The following FBN3 variants were observed in gnomAD, a reference collection of about 807,000 sequenced individuals.
The protein encoded by FBN3 is fibrillin-3.
Under a neutral mutation model 330.1 loss-of-function variants are expected in FBN3, and 234 were observed. The observed-to-expected ratio is 0.71, with a 90% confidence interval of 0.64 to 0.79. The LOEUF is 0.79. Among genes scored for constraint, FBN3 ranks in the 30% least tolerant of loss-of-function variants. The pLI is 0.00. For missense variants in FBN3, 3,606 were observed against 3,886.9 expected (o/e 0.93, Z 1.92); for synonymous variants, 1,458 against 1,517.3 (o/e 0.96, Z 0.91).
chr19:8,096,623 G>C lies in FBN3; in HGVS notation c.5414-54C>G. On this transcript the variant is annotated intron_variant, in intron 43 of 63. Coordinates refer to ENST00000600128, the MANE Select transcript of FBN3 (RefSeq NM_032447.5). This position sits in a 1 kb window ranked among gnomAD's most constrained non-coding sequence, Gnocchi z 4.6. ...AGGGCTCCTACCACAGTGTTTGCCTGAGCTCTCCCTACTGCAATGGGGAAG... is the reference window on the plus strand; with the variant it reads ...AGGGCTCCTACCACAGTGTTTGCCTCAGCTCTCCCTACTGCAATGGGGAAG... The C allele has an allele frequency of 2.6e-6, 4 of 1,555,184 alleles. No homozygotes were observed.
At chr19:8,074,758 G>A in intron 61 of FBN3, 1 of 308,098 alleles carries the variant, frequency 3.2e-6, no homozygotes, top group Non-Finnish European at 6.0e-6. Flanking sequence ...CACACTCGTG[G>A]CAGACATCAC....
At position 8,067,282 on chromosome 19, in the gene FBN3, T is replaced by C. The variant is rs557146982; in HGVS notation, c.8089-1022A>G. Among the ~76,000 whole-genome samples the C allele has an allele frequency of 1.4e-4, 21 of 152,148 alleles. No individual in the cohort carries two copies. The South Asian group carries it at 4.4e-3, about 32-fold the overall frequency. On this transcript the variant is annotated intron_variant, in intron 63 of 63. Transcript: ENST00000600128. Reference sequence around the variant, plus strand: ...CTGGAATTACAGGTGCCTGCCATCATGCCTGGCTAATTTTTGTATTTTCAG... The same window carrying C: ...CTGGAATTACAGGTGCCTGCCATCACGCCTGGCTAATTTTTGTATTTTCAG...
At chr19:8,139,996 C>A (rs1390939227) in intron 8 of FBN3, among the ~76,000 whole-genome samples, 1 of 151,966 alleles carries the variant, frequency 6.6e-6, no homozygotes, top group Non-Finnish European at 1.5e-5. Context: ...TCGTTCTCAG[C>A]CTTATCATAG....
chr19:8,069,144 G>C (rs1203118510), intron 63 of FBN3, among the ~76,000 whole-genome samples: 3 of 152,170 alleles, frequency 2.0e-5, no homozygotes, highest in African/African-American at 7.2e-5. Flanking sequence ...GGAGAGGAGA[G>C]CGTAAAGGAC....
At chr19:8,101,197 T>C (rs951987199) in intron 40 of FBN3, among the ~76,000 whole-genome samples, 1 of 152,120 alleles carries the variant, frequency 6.6e-6, no homozygotes, top group African/African-American at 2.4e-5. Flanking sequence ...CAATCACGGC[T>C]CACTGCAGCC....
Position 8,142,083 on chromosome 19 carries a change from T to C in FBN3, c.596A>G (p.Gln199Arg). The C allele has an allele frequency of 6.2e-7, 1 of 1,613,778 alleles. No individual in the cohort carries two copies. Among genetic ancestry groups the C allele is most frequent in the Non-Finnish European group, 8.5e-7 (1 of 1,179,822 alleles). The change falls in exon 7 of 64, where the codon CAG becomes CGG. Residue 199 changes from glutamine to arginine, a missense_variant. Physicochemically the swap from Gln to Arg is conservative, Grantham distance 43. Coordinates refer to ENST00000600128, the MANE Select transcript of FBN3 (RefSeq NM_032447.5). ...CTTGGTGCACACGAGGCCCGTCAGC[T>C]GATGCTGGCACCCCTCGGGGCCTAC... ...GQVGPEGCQH[Q>R]LTGLVCTKAL...
chr19:8,124,487 C>T (rs1454073810), intron 22 of FBN3, among the ~76,000 whole-genome samples: 3 of 151,574 alleles, frequency 2.0e-5, no homozygotes, highest in Non-Finnish European at 4.4e-5. Flanking sequence ...ATCTGCCCGC[C>T]TCAGCCTCCC....
At chr19:8,082,347 T>TTTC (rs2081813591) in intron 57 of FBN3, among the ~76,000 whole-genome samples, 1 of 148,026 alleles carries the variant, frequency 6.8e-6, no homozygotes, top group Admixed American at 6.8e-5. Context: ...CTCTTTCTTT[T>TTTC]TGTCTCTCTC....
At chr19:8,139,826 G>A (rs2083371737) in intron 8 of FBN3, among the ~76,000 whole-genome samples, 1 of 151,772 alleles carries the variant, frequency 6.6e-6, no homozygotes, top group Non-Finnish European at 1.5e-5. Context: ...TTGGCTGGTG[G>A]CCCACAGTTT....
chr19:8,103,085 G>T (rs938769179), intron 39 of FBN3, among the ~76,000 whole-genome samples: 10 of 151,886 alleles, frequency 6.6e-5, no homozygotes, highest in Non-Finnish European at 1.2e-4. Context: ...TGGCCAACAT[G>T]GTGAAACCCT....
chr19:8,143,103 G>A (rs897522370), intron 6 of FBN3, among the ~76,000 whole-genome samples: 2 of 152,078 alleles, frequency 1.3e-5, no homozygotes, highest in Non-Finnish European at 2.9e-5. Context: ...CACCCACTCC[G>A]GTTCTCTTTC....
chr19:8,138,713 G>A, intron 8 of FBN3, 149 bp from the exon 9 acceptor site: 1 of 816,110 alleles, frequency 1.2e-6, no homozygotes, highest in Non-Finnish European at 1.9e-6. Context: ...GGGATGCTTG[G>A]AGCATCCACC....
intron 62 of FBN3, 63 bp from the exon 63 acceptor site, chr19:8,072,261 C>A: frequency 6.9e-7 from 1 of 1,449,434 alleles, no homozygotes; most frequent in Non-Finnish European, 9.2e-7. Context: ...TCCCCAGCCA[C>A]GCCGCTCCAC....
At position 8,126,593 on chromosome 19, in the gene FBN3, C is replaced by A. The variant is rs1392995201; in HGVS notation, c.2429G>T (p.Gly810Val). 5 of 1,609,870 alleles carry A rather than the reference C, an allele frequency of 3.1e-6. No individual in the cohort carries two copies. Among genetic ancestry groups the A allele is most frequent in the Non-Finnish European group, 4.2e-6 (5 of 1,179,874 alleles). ...CTCCTGGATCTTCAGCCAGCAGGTGCCCTTGGTGCTGTCTGGGGAGAAGAG... is the reference window on the plus strand; with the variant it reads ...CTCCTGGATCTTCAGCCAGCAGGTGACCTTGGTGCTGTCTGGGGAGAAGAG... ...SGTFCLDSTK[G>V]TCWLKIQESR... Residue 810 changes from glycine (G) to valine (V), a missense_variant, in exon 20 of 64, where the codon GGC becomes GTC. Transcript: ENST00000600128.
chr19:8,118,015 C>T (rs2144873524), intron 26 of FBN3, among the ~76,000 whole-genome samples: 1 of 152,042 alleles, frequency 6.6e-6, no homozygotes, highest in South Asian at 2.1e-4. Flanking sequence ...CACCCATGTG[C>T]ACACACAGAC....
intron 63 of FBN3, 93 bp from the exon 64 acceptor site, chr19:8,066,353 T>A: frequency 1.1e-6 from 1 of 908,802 alleles, no homozygotes; most frequent in Non-Finnish European, 1.6e-6. Context: ...AAGAGGAGAT[T>A]CTGGCCAATC....
At chr19:8,068,967 C>A (rs2081452716) in intron 63 of FBN3, among the ~76,000 whole-genome samples, 1 of 152,106 alleles carries the variant, frequency 6.6e-6, no homozygotes, top group Admixed American at 6.6e-5. Context: ...CTCTCAGAGA[C>A]CCAGCAGCCA....
intron 59 of FBN3, among the ~76,000 whole-genome samples, chr19:8,076,247 C>CATGTGT (rs60725609): frequency 0.081 from 11,885 of 147,626 alleles, 609 homozygotes; most frequent in African/African-American, 0.13. Context: ...TGTCCGTGTG[C>CATGTGT]GTGTGTGTGT....
chr19:8,136,589 G>A, intron 10 of FBN3, 58 bp from the exon 11 acceptor site: 4 of 1,603,498 alleles, frequency 2.5e-6, no homozygotes, highest in Non-Finnish European at 3.4e-6. Flanking sequence ...CCAGTCTGGA[G>A]CCTGGGCTTC....
Sources: allele counts gnomAD v4.1 joint callset (sites outside exome capture counted in the v4.1 genomes callset), GRCh38; gene constraint gnomAD v4.1.1; non-coding constraint Gnocchi (gnomAD v3.1); transcripts MANE v1.5; gene names NCBI Gene and HGNC (gene_info 2026-07-23, HGNC 2026-07-21).